KDM1A: variants seen among roughly 807,000 people sequenced by gnomAD.
KDM1A encodes the protein lysine-specific histone demethylase 1A.
Under a neutral mutation model 109.4 loss-of-function variants are expected in KDM1A, and 49 were observed. That is an observed-to-expected ratio of 0.45 (90% CI 0.36 to 0.57). KDM1A has a LOEUF of 0.57. Ranked by LOEUF, KDM1A falls within the 20% of genes least tolerant of loss-of-function variation. The pLI, the probability that KDM1A is intolerant of heterozygous loss-of-function variation, is 0.00. For synonymous variants in KDM1A, 380 were observed against 415.4 expected (o/e 0.91, Z 1.04); for missense variants, 668 against 1,116.6 (o/e 0.60, Z 5.73).
Position 23,030,638 on chromosome 1 carries a change from A to C in KDM1A, c.517+4A>C. 6.5e-7 allele frequency: 1 copy of C among 1,538,376 alleles called. No individual in the cohort carries two copies. The highest frequency in any genetic ancestry group is 8.7e-7 in the Non-Finnish European group (1 of 1,150,158). On this transcript the variant is annotated splice_donor_region_variant and intron_variant, in intron 2 of 20. Coordinates refer to ENST00000400181, the MANE Select transcript of KDM1A (RefSeq NM_001009999.3). ...AGTGAGCCTGAAGAACCATCGGGTG[A>C]GTTGTAGTATCCAACCACAGTTCTG...
chr1:23,032,127 T>A (rs1569645848), intron 2 of KDM1A, among the ~76,000 whole-genome samples: 1 of 152,192 alleles, frequency 6.6e-6, no homozygotes, highest in South Asian at 2.1e-4. Context: ...AATGAGATAC[T>A]TGGGGATAAC....
At chr1:23,037,185 T>A (rs895356208) in intron 2 of KDM1A, among the ~76,000 whole-genome samples, 4 of 151,538 alleles carry the variant, frequency 2.6e-5, no homozygotes, top group African/African-American at 9.7e-5. Context: ...ATGTCTGTAA[T>A]CTCAGCTACT....
chr1:23,080,618 C>G lies in KDM1A; in HGVS notation c.2171-828C>G, dbSNP rs115367589. Among the ~76,000 whole-genome samples, 438 of 152,268 alleles carry G rather than the reference C, an allele frequency of 2.9e-3. 5 individuals carry two copies. Among genetic ancestry groups the G allele is most frequent in the African/African-American group, 9.9e-3 (413 of 41,544 alleles). ...TCCATCCCCAGATTCCAGGCACATTCGGCTGTTCTCACATCCTGGAAGGCA... is the reference window on the plus strand; with the variant it reads ...TCCATCCCCAGATTCCAGGCACATTGGGCTGTTCTCACATCCTGGAAGGCA... On this transcript the variant is annotated intron_variant, in intron 18 of 20. Coordinates refer to ENST00000400181, the MANE Select transcript of KDM1A (RefSeq NM_001009999.3).
At chr1:23,041,189 A>G (rs1340730924) in intron 2 of KDM1A, among the ~76,000 whole-genome samples, 1 of 152,204 alleles carries the variant, frequency 6.6e-6, no homozygotes, top group Non-Finnish European at 1.5e-5. Flanking sequence ...AGTAAAGATG[A>G]TCTTTCAGTT....
chr1:23,031,359 C>T lies in KDM1A; in HGVS notation c.517+725C>T, dbSNP rs189008298. Among the ~76,000 whole-genome samples the T allele has an allele frequency of 2.0e-3, 299 of 152,224 alleles. 3 individuals carry two copies. Among genetic ancestry groups the T allele is most frequent in the African/African-American group, 6.6e-3 (275 of 41,542 alleles). On this transcript the variant is annotated intron_variant, in intron 2 of 20. Coordinates refer to ENST00000400181, the MANE Select transcript of KDM1A (RefSeq NM_001009999.3). ...TGTGCCCTTAATGACATTTTATTTA[C>T]TCTTTTTGACTTTGAATTTTTACTA...
chr1:23,060,279 A>G (rs1347863830), intron 9 of KDM1A, among the ~76,000 whole-genome samples: 1 of 152,196 alleles, frequency 6.6e-6, no homozygotes, highest in Non-Finnish European at 1.5e-5. Context: ...CTTGTAGAGA[A>G]ATAATTCTTT....
In KDM1A at chr1:23,050,397, C is replaced by A; in HGVS notation, c.588C>A (p.Gly196=). ...YGDGQASGVE[G]AAFQSRLPHD... The stretch of plus-strand genomic sequence containing the variant: ...TGCTTTCTTCGTTAGGTGTGGAGGG[C>A]GCAGCTTTCCAGAGCCGACTTCCTC... Residue 196 remains glycine (G), a synonymous_variant, in exon 4 of 21, where the codon GGC becomes GGA. Transcript: ENST00000400181. 1.2e-6 allele frequency: 2 copies of A among 1,609,906 alleles called. No homozygotes were observed. Among genetic ancestry groups the A allele is most frequent in the East Asian group, 4.5e-5 (2 of 44,622 alleles).
chr1:23,046,839 A>G (rs1036932982), intron 3 of KDM1A, among the ~76,000 whole-genome samples: 1 of 152,242 alleles, frequency 6.6e-6, no homozygotes, highest in Non-Finnish European at 1.5e-5. Flanking sequence ...ACAGAAAGTA[A>G]GACTGGTATT....
chr1:23,071,353 A>G lies in KDM1A; in HGVS notation c.1542A>G (p.Leu514=), dbSNP rs746813324. Residue 514 remains leucine (L), a synonymous_variant, in exon 13 of 21, where the codon CTA becomes CTG. Transcript: ENST00000400181. The part of the protein sequence containing the change: ...VKSKHRDLTA[L]CKEYDELAET... The stretch of plus-strand genomic sequence containing the variant: ...GCAAACACAGGGATCTGACCGCCCT[A>G]TGCAAGGTGTGGTATACATACATGC... 53 of 1,609,112 alleles carry G rather than the reference A, an allele frequency of 3.3e-5. 1 individual carries two copies. Among genetic ancestry groups the G allele is most frequent in the South Asian group, 1.6e-4 (14 of 89,970 alleles).
At chr1:23,073,448 G>A in intron 15 of KDM1A, 45 bp downstream of exon 15, 1 of 998,332 alleles carries the variant, frequency 1.0e-6, no homozygotes, top group Non-Finnish European at 1.6e-6. Context: ...GCCTTTGAGA[G>A]GGATTGTAAG....
At chr1:23,081,661 G>C in intron 19 of KDM1A, 88 bp downstream of exon 19, 2 of 1,461,840 alleles carry the variant, frequency 1.4e-6, no homozygotes. Flanking sequence ...GGTCAGGACA[G>C]TTTAAGCTAG....
intron 5 of KDM1A, 143 bp from the exon 6 acceptor site, chr1:23,054,926 C>G (rs1642783223): frequency 1.7e-6 from 1 of 585,450 alleles, no homozygotes; most frequent in Non-Finnish European, 3.0e-6. Flanking sequence ...CGTGCCCAGC[C>G]TTAGAATTAC....
intron 1 of KDM1A, among the ~76,000 whole-genome samples, chr1:23,022,570 C>T (rs1312346397): frequency 2.6e-5 from 4 of 151,584 alleles, no homozygotes; most frequent in Non-Finnish European, 5.9e-5. Context: ...AACTCCTGAC[C>T]TCAAGGTGAT....
chr1:23,026,049 C>T (rs1317039364), intron 1 of KDM1A, among the ~76,000 whole-genome samples: 1 of 152,094 alleles, frequency 6.6e-6, no homozygotes, highest in Non-Finnish European at 1.5e-5. Flanking sequence ...TGAGATCACG[C>T]CACTGCTTTC....
At chr1:23,057,068 A>T (rs2124472843) in intron 7 of KDM1A, among the ~76,000 whole-genome samples, 1 of 152,226 alleles carries the variant, frequency 6.6e-6, no homozygotes, top group South Asian at 2.1e-4. Context: ...AGGGTGTAAG[A>T]GTCAGATTAC....
At chr1:23,077,442 C>T (rs866340352) in intron 16 of KDM1A, 82 bp downstream of exon 16, 2 of 1,389,722 alleles carry the variant, frequency 1.4e-6, no homozygotes, top group Non-Finnish European at 9.8e-7. Context: ...CTATCAGGTA[C>T]ATTTCCTGAT....
intron 10 of KDM1A, among the ~76,000 whole-genome samples, chr1:23,066,718 T>G (rs564197595): frequency 6.6e-6 from 1 of 152,342 alleles, no homozygotes; most frequent in South Asian, 2.1e-4. Flanking sequence ...ATTGCATCTG[T>G]GATCAGTTAA....
rs747928798 is a variant in KDM1A, at chr1:23,055,043, G to A, written c.791-26G>A. ...TGTTTAAACTGCTGAAAATAAAACC[G>A]TGTTTTTAATCCACTTATTCTGTAG... On this transcript the variant is annotated intron_variant, in intron 5 of 20. Coordinates refer to ENST00000400181, the MANE Select transcript of KDM1A (RefSeq NM_001009999.3). The A allele has an allele frequency of 1.5e-5, 21 of 1,408,876 alleles. No homozygotes were observed. In the Admixed American group the frequency reaches 1.8e-4, roughly 12 times the overall value. 87.3% of individuals were successfully genotyped at this position (1,408,876 alleles called of 1,614,324 possible). A position where few individuals can be genotyped will look rare whatever the true frequency, so the allele number is the denominator to read the frequency against.
chr1:23,051,056 T>C (rs1642654723), intron 4 of KDM1A, among the ~76,000 whole-genome samples: 1 of 151,994 alleles, frequency 6.6e-6, no homozygotes, highest in Non-Finnish European at 1.5e-5. Flanking sequence ...CTGCACTCCA[T>C]CCAGCCTGGG....
Sources: gnomAD v4.1 joint callset for allele counts (sites outside exome capture counted in the v4.1 genomes callset) on GRCh38, gnomAD v4.1.1 for gene constraint, MANE v1.5 for transcripts, NCBI Gene and HGNC (gene_info 2026-07-23, HGNC 2026-07-21) for gene names.